Variants in CMSS1 observed in about 807,000 individuals in gnomAD.
CMSS1 encodes the protein cms1 ribosomal small subunit homolog, also known as protein CMSS1.
CMSS1 carries 33 observed loss-of-function variants against 43.5 expected under a neutral mutation model. The observed-to-expected ratio is 0.76, with a 90% CI of 0.57 to 1.01. The LOEUF is 1.01. Among genes scored for constraint, CMSS1 ranks in the 50% least tolerant of loss-of-function variants. The pLI, the probability that CMSS1 is intolerant of heterozygous loss-of-function variation, is 0.00. For missense variants in CMSS1, 313 were observed against 326.4 expected (o/e 0.96, Z 0.32); for synonymous variants, 115 against 117.2 (o/e 0.98, Z 0.12).
At chr3:99,971,154 G>T (rs532763719) in intron 1 of CMSS1, among the ~76,000 whole-genome samples, 6 of 152,086 alleles carry the variant, frequency 3.9e-5, no homozygotes, top group East Asian at 3.9e-4. Context: ...TGGCTAACAT[G>T]GTGAAACCCC....
At position 99,880,564 on chromosome 3, in the gene CMSS1, A is replaced by T. The variant is rs1705691447; in HGVS notation, c.64+62521A>T. Among the ~76,000 whole-genome samples, 5 of 152,194 alleles carry T rather than the reference A, an allele frequency of 3.3e-5. No individual in the cohort carries two copies. The South Asian group carries it at 1.0e-3, about 32-fold the overall frequency. On this transcript the variant is annotated intron_variant, in intron 1 of 9. Coordinates refer to ENST00000421999, the MANE Select transcript of CMSS1 (RefSeq NM_032359.4). ...AGTGACATATGTACCTTGAGAAGTG[A>T]TTACAGTAGTAGTGTCCATGTGATG...
chr3:100,130,340 G>C (rs769661347), intron 1 of CMSS1, among the ~76,000 whole-genome samples: 2 of 152,122 alleles, frequency 1.3e-5, no homozygotes, highest in African/African-American at 4.8e-5. Context: ...AGGCCATGAG[G>C]TCTTCTCTAA....
At chr3:99,823,992 A>G (rs560890100) in intron 1 of CMSS1, among the ~76,000 whole-genome samples, 1 of 148,476 alleles carries the variant, frequency 6.7e-6, no homozygotes, top group Admixed American at 6.8e-5. Flanking sequence ...GTGCGATCTC[A>G]GCTCACTGCA....
Position 100,167,826 on chromosome 3 carries a change from C to A in CMSS1, c.504C>A (p.Ala168=). 4 of 1,610,456 alleles carry A rather than the reference C, an allele frequency of 2.5e-6. No homozygotes were observed. The South Asian group carries it at 4.4e-5, about 18-fold the overall frequency. ...TCATCTGCAGCTCGGCCGTCCGAGC[C>A]CTGGAGCTCATTAGGTTGGAAGGTT... ...MLIICSSAVR[A]LELIRSMTAF... Residue 168 remains alanine, a synonymous_variant, in exon 6 of 10, where the codon GCC becomes GCA. Transcript: ENST00000421999.
At chr3:100,047,822 A>C (rs2065301180) in intron 1 of CMSS1, among the ~76,000 whole-genome samples, 1 of 152,084 alleles carries the variant, frequency 6.6e-6, no homozygotes, top group Non-Finnish European at 1.5e-5. Context: ...TCTCCCCAGA[A>C]GGCATTTGAA....
intron 1 of CMSS1, among the ~76,000 whole-genome samples, chr3:100,145,763 A>G (rs2066844425): frequency 2.0e-5 from 3 of 152,248 alleles, no homozygotes; most frequent in African/African-American, 7.2e-5. Context: ...TCCCTTACTC[A>G]AGGATAGGTC....
In CMSS1 at chr3:99,908,333, A is replaced by G. The variant is rs144096353; in HGVS notation, c.64+90290A>G. On this transcript the variant is annotated intron_variant, in intron 1 of 9. Coordinates refer to ENST00000421999, the MANE Select transcript of CMSS1 (RefSeq NM_032359.4). ...GGCAGATGATTTGACTTAGACAACT[A>G]TGTGACAACTGGCTTCACTCGTGTT... is the stretch of plus-strand genomic sequence containing the variant. 4.6e-3 allele frequency among the ~76,000 whole-genome samples: 697 copies of G among 152,334 alleles called. 2 individuals are homozygous for G. Among genetic ancestry groups the G allele is most frequent in the South Asian group, 7.0e-3 (34 of 4,830 alleles).
intron 1 of CMSS1, among the ~76,000 whole-genome samples, chr3:99,881,381 G>A (rs1705721251): frequency 6.6e-6 from 1 of 151,948 alleles, no homozygotes. Context: ...TACTGCAGAA[G>A]TGAAAAAAAA....
chr3:99,897,673 G>T (rs1163578810), intron 1 of CMSS1, among the ~76,000 whole-genome samples: 2 of 152,144 alleles, frequency 1.3e-5, no homozygotes, highest in Non-Finnish European at 2.9e-5. Flanking sequence ...TTGTGTTTTT[G>T]AGATTTGGGA....
chr3:100,137,918 C>T (rs1400608653), intron 1 of CMSS1, among the ~76,000 whole-genome samples: 1 of 152,058 alleles, frequency 6.6e-6, no homozygotes, highest in Non-Finnish European at 1.5e-5. Flanking sequence ...GACATCTGTA[C>T]CTAACAATTA....
At chr3:99,893,538 T>C (rs753769017) in intron 1 of CMSS1, among the ~76,000 whole-genome samples, 1 of 152,226 alleles carries the variant, frequency 6.6e-6, no homozygotes, top group Non-Finnish European at 1.5e-5. Flanking sequence ...GAATTTGAAG[T>C]CTTCTCAATC....
At chr3:100,066,111 A>G (rs1033094341) in intron 1 of CMSS1, among the ~76,000 whole-genome samples, 14 of 152,218 alleles carry the variant, frequency 9.2e-5, no homozygotes, top group African/African-American at 3.4e-4. Flanking sequence ...AGAGATTACC[A>G]TCTATTTTCC....
At chr3:100,017,901 T>C (rs1710391876) in intron 1 of CMSS1, among the ~76,000 whole-genome samples, 2 of 152,176 alleles carry the variant, frequency 1.3e-5, no homozygotes, top group African/African-American at 4.8e-5. Context: ...TTTTCCTGGA[T>C]CTGTAGCTTG....
chr3:99,889,927 G>T (rs962586844), intron 1 of CMSS1, among the ~76,000 whole-genome samples: 1 of 151,818 alleles, frequency 6.6e-6, no homozygotes, highest in Non-Finnish European at 1.5e-5. Context: ...ATCTATTATT[G>T]TTCTATTAGG....
At chr3:100,091,659 A>G (rs1009367984) in intron 1 of CMSS1, among the ~76,000 whole-genome samples, 3 of 152,226 alleles carry the variant, frequency 2.0e-5, no homozygotes, top group African/African-American at 7.2e-5. Context: ...ATCTGCAGCC[A>G]CTTGAGTATC....
chr3:99,959,104 T>A (rs1476192464), intron 1 of CMSS1, among the ~76,000 whole-genome samples: 8 of 152,308 alleles, frequency 5.3e-5, no homozygotes, highest in Admixed American at 1.3e-4. Context: ...TTAAAAAAAA[T>A]TCATTGTGTA....
At chr3:100,178,152 A>G (rs1225772296) in intron 9 of CMSS1, among the ~76,000 whole-genome samples, 153 bp from the exon 10 acceptor site, 1 of 152,090 alleles carries the variant, frequency 6.6e-6, no homozygotes, top group Non-Finnish European at 1.5e-5. Flanking sequence ...AAAAATTTCA[A>G]CTCTGAATCA....
At position 100,036,611 on chromosome 3, in the gene CMSS1, C is replaced by A. The variant is rs141387241; in HGVS notation, c.65-110362C>A. ...GTAGAAGAAATATAGATTAGAAAAC[C>A]ACCATTTTGCAGCCATCATAGTTGC... On this transcript the variant is annotated intron_variant, in intron 1 of 9. Transcript: ENST00000421999. Among the ~76,000 whole-genome samples, 239 of 152,232 alleles carry A rather than the reference C, an allele frequency of 1.6e-3. 1 individual carries two copies. Among genetic ancestry groups the A allele is most frequent in the African/African-American group, 5.4e-3 (225 of 41,556 alleles).
chr3:99,884,905 A>T (rs569738812), intron 1 of CMSS1, among the ~76,000 whole-genome samples: 155 of 152,298 alleles, frequency 1.0e-3, no homozygotes, highest in African/African-American at 3.5e-3. Flanking sequence ...TCCTTCATTT[A>T]ATCAGGTTTC....
Sources: allele counts gnomAD v4.1 joint callset (sites outside exome capture counted in the v4.1 genomes callset), GRCh38; gene constraint gnomAD v4.1.1; transcripts MANE v1.5; gene names NCBI Gene and HGNC (gene_info 2026-07-23, HGNC 2026-07-21).